The following ASIC2 variants were observed in gnomAD, a reference collection of about 807,000 sequenced individuals.
ASIC2 encodes the protein acid-sensing ion channel 2.
Under a neutral mutation model 57.3 loss-of-function variants are expected in ASIC2, and 25 were observed. That is an observed-to-expected ratio of 0.44 (90% CI 0.32 to 0.61). ASIC2 has a LOEUF of 0.61. Among genes scored for constraint, ASIC2 ranks in the 20% least tolerant of loss-of-function variants. ASIC2 has a pLI of 0.06. For missense variants in ASIC2, 641 were observed against 738.1 expected (o/e 0.87, Z 1.52); for synonymous variants, 319 against 307.5 (o/e 1.04, Z -0.39).
At chr17:33,116,495 G>C (rs1258285219) in intron 1 of ASIC2, among the ~76,000 whole-genome samples, 3 of 152,236 alleles carry the variant, frequency 2.0e-5, no homozygotes, top group African/African-American at 4.8e-5. Flanking sequence ...TTCCTGGTAA[G>C]TGCTGACAGG....
intron 1 of ASIC2, chr17:33,834,134 A>G (rs1664075582): frequency 6.6e-6 from 1 of 152,264 alleles, no homozygotes; most frequent in Non-Finnish European, 1.5e-5. Context: ...GGTTTGCCAC[A>G]TCTATATAAG....
chr17:34,082,619 G>A (rs1394319525), intron 1 of ASIC2, among the ~76,000 whole-genome samples: 1 of 152,074 alleles, frequency 6.6e-6, no homozygotes, highest in Non-Finnish European at 1.5e-5. Flanking sequence ...ACCTGTCCCC[G>A]CCCCCTGGCA....
intron 1 of ASIC2, among the ~76,000 whole-genome samples, chr17:33,329,537 G>C (rs1330358908): frequency 6.6e-6 from 1 of 152,136 alleles, no homozygotes; most frequent in Non-Finnish European, 1.5e-5. Flanking sequence ...CTTGGCTAAG[G>C]TCAAGGTCAT....
rs1243305514 is a variant in ASIC2 at position 33,021,196 on chromosome 17, T to C, written c.1441+23A>G. ...CCCACCCTCTATGAGATGTGGAAAT[T>C]TGTGCAATAGACACTGACTTACCAA... On this transcript the variant is annotated intron_variant, in intron 7 of 9. Coordinates refer to ENST00000225823, the MANE Select transcript of ASIC2 (RefSeq NM_183377.2). 8.4e-6 allele frequency: 11 copies of C among 1,308,906 alleles called. No individual in the cohort carries two copies. In the East Asian group the frequency reaches 1.3e-4, roughly 16 times the overall value. 81.1% of individuals were successfully genotyped at this position (1,308,906 alleles called of 1,614,324 possible).
At position 33,349,919 on chromosome 17, in the gene ASIC2, GA is replaced by G. The variant is rs36016777; in HGVS notation, c.556-237853del. 2.7e-3 allele frequency among the ~76,000 whole-genome samples: 403 copies of G among 150,794 alleles called. 3 individuals are homozygous for G. The highest frequency in any genetic ancestry group is 8.7e-3 in the African/African-American group (358 of 41,092). On this transcript the variant is annotated intron_variant, in intron 1 of 9. Coordinates refer to the ASIC2 transcript ENST00000359872. ...CACTCAAAATTTAAGAACAATTTAT[GA>G]AAAAAAAAGCCTTGATATAGAGAAA...
At chr17:33,600,889 A>G (rs1567665641) in intron 1 of ASIC2, among the ~76,000 whole-genome samples, 1 of 152,156 alleles carries the variant, frequency 6.6e-6, no homozygotes, top group Non-Finnish European at 1.5e-5. Flanking sequence ...GACATTGGAA[A>G]CTGGAATAAA....
chr17:33,877,439 C>T (rs551146345), intron 1 of ASIC2, among the ~76,000 whole-genome samples: 131 of 152,312 alleles, frequency 8.6e-4, no homozygotes, highest in African/African-American at 2.4e-3. Flanking sequence ...GCTTTTCCAA[C>T]GGTCTTAGCA....
intron 1 of ASIC2, among the ~76,000 whole-genome samples, chr17:34,099,746 GAAAGAAAGAAAGAAAGAAAGAAA>G: frequency 4.3e-4 from 1 of 2,302 alleles, no homozygotes; most frequent in Non-Finnish European, 1.2e-3. Flanking sequence ...AAGAAAGAAA[GAAAGAAAGAAAGAAAGAAAGAAA>G]GAAAGAAAGA....
Position 33,312,978 on chromosome 17 carries a change from T to C in ASIC2, c.556-200911A>G, listed in dbSNP as rs146380922. Among the ~76,000 whole-genome samples the C allele has an allele frequency of 3.8e-3, 581 of 152,266 alleles. 6 individuals carry two copies. The highest frequency in any genetic ancestry group is 0.013 in the African/African-American group (556 of 41,556). ...AAGCAAAAACTCACGATCTTCCATA[T>C]TGGTGAACAAGAACCTAAGGTGAAC... On this transcript the variant is annotated intron_variant, in intron 1 of 9. Transcript: ENST00000359872.
At chr17:33,548,175 G>A (rs1424266835) in intron 1 of ASIC2, among the ~76,000 whole-genome samples, 1 of 152,152 alleles carries the variant, frequency 6.6e-6, no homozygotes, top group African/African-American at 2.4e-5. Flanking sequence ...TACATGAGCC[G>A]AGTCTGCTGT....
At position 33,761,733 on chromosome 17, in the gene ASIC2, A is replaced by ATCT. The variant is rs1488426736; in HGVS notation, c.555+394242_555+394244dup. On this transcript the variant is annotated intron_variant, in intron 1 of 9. Coordinates refer to the ASIC2 transcript ENST00000359872. ...AAGAGAAGCACAGTTGACTCTAATCATCTTCTACATTCACTTTTCTCTACC... is the reference window on the plus strand; with the variant it reads ...AAGAGAAGCACAGTTGACTCTAATCATCTTCTTCTACATTCACTTTTCTCTACC... Among the ~76,000 whole-genome samples, 4 of 151,968 alleles carry ATCT rather than the reference A, an allele frequency of 2.6e-5. No individual in the cohort carries two copies. The East Asian group carries it at 7.7e-4, about 29-fold the overall frequency.
At chr17:33,348,149 A>G (rs1391957312) in intron 1 of ASIC2, among the ~76,000 whole-genome samples, 1 of 152,202 alleles carries the variant, frequency 6.6e-6, no homozygotes, top group Non-Finnish European at 1.5e-5. Context: ...AAGGTCAACA[A>G]ACTGAGAGGC....
chr17:33,684,729 A>G (rs535099980), intron 1 of ASIC2, among the ~76,000 whole-genome samples: 1 of 152,292 alleles, frequency 6.6e-6, no homozygotes, highest in Non-Finnish European at 1.5e-5. Context: ...TGGTTTAAGA[A>G]AGAAAGGAAA....
In ASIC2 at chr17:33,493,406, C is replaced by T. The variant is rs868418750; in HGVS notation, c.556-381339G>A. Among the ~76,000 whole-genome samples, 3 of 152,166 alleles carry T rather than the reference C, an allele frequency of 2.0e-5. No individual in the cohort carries two copies. In the South Asian group the frequency reaches 6.2e-4, roughly 32 times the overall value. ...CACCCAGTTTCCCCCAAGGGCATCC[C>T]CTGTCTTGGATAACTATAGTACAAT... On this transcript the variant is annotated intron_variant, in intron 1 of 9. Transcript: ENST00000359872.
At chr17:33,800,666 A>C (rs1912107126) in intron 1 of ASIC2, among the ~76,000 whole-genome samples, 1 of 152,212 alleles carries the variant, frequency 6.6e-6, no homozygotes, top group South Asian at 2.1e-4. Flanking sequence ...AAATGGTGTC[A>C]ATGGTGTCTT....
intron 1 of ASIC2, among the ~76,000 whole-genome samples, chr17:33,953,155 GT>G (rs1904632197): frequency 6.6e-6 from 1 of 152,060 alleles, no homozygotes; most frequent in South Asian, 2.1e-4. Flanking sequence ...AAAATAATGT[GT>G]TAAGAGTAAT....
At chr17:34,107,046 T>A (rs1487526652) in intron 1 of ASIC2, among the ~76,000 whole-genome samples, 2 of 152,204 alleles carry the variant, frequency 1.3e-5, no homozygotes, top group African/African-American at 4.8e-5. Flanking sequence ...GGTGCATACA[T>A]ATATGTTCAC....
chr17:33,984,028 T>C (rs317369), intron 1 of ASIC2, among the ~76,000 whole-genome samples: 139,835 of 152,246 alleles, frequency 0.92, 64,520 homozygotes, highest in Non-Finnish European at 0.97. Flanking sequence ...TTTCAGACCT[T>C]TTCATGCTCT....
At chr17:33,939,088 T>C (rs1290204472) in intron 1 of ASIC2, among the ~76,000 whole-genome samples, 2 of 152,222 alleles carry the variant, frequency 1.3e-5, no homozygotes, top group African/African-American at 2.4e-5. Context: ...TGCCAGCCCA[T>C]TGTTGGGGCC....
Sources: allele counts gnomAD v4.1 joint callset (sites outside exome capture counted in the v4.1 genomes callset), GRCh38; gene constraint gnomAD v4.1.1; transcripts MANE v1.5; gene names NCBI Gene and HGNC (gene_info 2026-07-23, HGNC 2026-07-21).